Variants in NHS observed in about 807,000 individuals in gnomAD.
The protein encoded by NHS is NHS actin remodeling regulator, also known as actin remodeling regulator NHS.
NHS carries 5 observed loss-of-function variants against 72.5 expected under a neutral mutation model. The ratio of observed to expected loss-of-function variants is 0.07; its 90% CI spans 0.04 to 0.14. NHS has a LOEUF of 0.14. Among genes scored for constraint, NHS ranks in the 10% least tolerant of loss-of-function variants. NHS has a pLI of 1.00. For synonymous variants in NHS, 464 were observed against 547.7 expected, an observed-to-expected ratio of 0.85 and a Z score of 2.13; for missense variants, 1,072 against 1,355.7, an observed-to-expected ratio of 0.79 and a Z score of 3.29.
chrX:17,491,798 T>C (rs1485247659), intron 1 of NHS, among the ~76,000 whole-genome samples: 1 of 101,248 alleles, frequency 9.9e-6, no homozygotes, highest in Non-Finnish European at 2.0e-5. Context: ...AATTACTGCC[T>C]CAATTTCAGA....
At chrX:17,585,533 C>T (rs1432091238) in intron 1 of NHS, among the ~76,000 whole-genome samples, 2 of 110,250 alleles carry the variant, frequency 1.8e-5, no homozygotes, top group Non-Finnish European at 3.8e-5. Context: ...CCATTGGGAT[C>T]CAGTGTGGTT....
chrX:17,400,191 A>G (rs763878062), intron 1 of NHS, among the ~76,000 whole-genome samples: 43 of 112,188 alleles, frequency 3.8e-4, no homozygotes, highest in Non-Finnish European at 9.4e-5. Context: ...AATTATTAGA[A>G]CTAATAAATG....
intron 1 of NHS, among the ~76,000 whole-genome samples, chrX:17,560,271 T>C (rs1458096827): frequency 1.8e-5 from 2 of 112,136 alleles, no homozygotes; most frequent in African/African-American, 6.5e-5. Flanking sequence ...TACTTTCACG[T>C]TGATTCATGG....
At chrX:17,376,467 TC>T (rs762150610) in intron 1 of NHS, 145 bp downstream of exon 1, 2 of 543,867 alleles carry the variant, frequency 3.7e-6, no homozygotes, top group African/African-American at 2.3e-5. Context: ...ACCCTTCCCA[TC>T]CCCTGGGACC....
At chrX:17,588,474 G>C (rs2065586616) in intron 1 of NHS, among the ~76,000 whole-genome samples, 1 of 112,085 alleles carries the variant, frequency 8.9e-6, no homozygotes, top group African/African-American at 3.2e-5. Flanking sequence ...AAAAATAATG[G>C]GAGGTTTTGT....
chrX:17,440,320 A>G (rs938868222), intron 1 of NHS, among the ~76,000 whole-genome samples: 1 of 108,861 alleles, frequency 9.2e-6, no homozygotes, highest in African/African-American at 3.4e-5. Context: ...ACCAGTAACT[A>G]CTTTCACCAT....
At chrX:17,724,264 T>C (rs1225028601) in intron 5 of NHS, 35 bp from the exon 6 acceptor site, 1 of 1,210,721 alleles carries the variant, frequency 8.3e-7, no homozygotes, top group Non-Finnish European at 1.1e-6. Flanking sequence ...TGTTTGCCAT[T>C]TCTAAAGCTA....
intron 7 of NHS, 107 bp from the exon 8 acceptor site, chrX:17,728,542 G>C (rs2066466211): frequency 9.5e-7 from 1 of 1,057,844 alleles, no homozygotes; most frequent in Admixed American, 2.2e-5. Context: ...TGGCAGCAAG[G>C]TAATTTCTGT....
intron 2 of NHS, 53 bp from the exon 3 acceptor site, chrX:17,692,282 G>T: frequency 4.2e-6 from 5 of 1,194,313 alleles, no homozygotes; most frequent in Non-Finnish European, 5.7e-6. Context: ...GGGGAAAAGA[G>T]AAATTGAAAA....
At position 17,578,994 on chromosome X, in the gene NHS, G is replaced by T. The variant is rs761073447; in HGVS notation, c.566-108748G>T. Among the ~76,000 whole-genome samples the T allele has an allele frequency of 8.0e-5, 9 of 111,839 alleles. No individual in the cohort carries two copies. In the South Asian group the frequency reaches 3.0e-3, roughly 37 times the overall value. ...TGAGTGTGTACCAGTGTACAAAAAGGTGTGTTGTAGTGGAAAATCAAGTAA... is the reference window on the plus strand; with the variant it reads ...TGAGTGTGTACCAGTGTACAAAAAGTTGTGTTGTAGTGGAAAATCAAGTAA... On this transcript the variant is annotated intron_variant, in intron 1 of 8. Transcript: ENST00000676302.
rs780936344 is a variant in NHS at position 17,725,632 on chromosome X, G to A, written c.1526G>A (p.Arg509Gln). Reference protein sequence around the residue: ...SSRTRSRSLPREGNRGGDAEP... With the variant: ...SSRTRSRSLPQEGNRGGDAEP... Reference sequence around the variant, plus strand: ...CGCACAAGATCTCGGAGCCTTCCCCGGGAAGGTAATAGAGGTGGGGATGCT... The same window carrying A: ...CGCACAAGATCTCGGAGCCTTCCCCAGGAAGGTAATAGAGGTGGGGATGCT... Residue 509 changes from arginine (R) to glutamine (Q), a missense_variant, in exon 7 of 9, where the codon CGG becomes CAG. By Grantham distance (43) the Arg-to-Gln change is conservative. Coordinates refer to ENST00000676302, the MANE Select transcript of NHS (RefSeq NM_001291867.2). The A allele has an allele frequency of 1.6e-5, 19 of 1,209,314 alleles. No homozygotes were observed. The highest frequency in any genetic ancestry group is 8.9e-5 in the East Asian group (3 of 33,746).
chrX:17,657,654 G>A (rs1490393934), intron 1 of NHS, among the ~76,000 whole-genome samples: 3 of 112,683 alleles, frequency 2.7e-5, no homozygotes, highest in Non-Finnish European at 3.8e-5. Flanking sequence ...ATCCATTCCC[G>A]GGTGAGGCCC....
chrX:17,723,726 GGTGTGTGTGTGTGTGTGTGT>G (rs3222310), intron 5 of NHS, among the ~76,000 whole-genome samples: 2 of 71,074 alleles, frequency 2.8e-5, no homozygotes, highest in Non-Finnish European at 5.0e-5. Flanking sequence ...CAGCAAAAGA[GGTGTGTGTGTGTGTGTGTGT>G]GTGTGTGTGT....
At chrX:17,384,982 A>G (rs188388412) in intron 1 of NHS, among the ~76,000 whole-genome samples, 7 of 111,947 alleles carry the variant, frequency 6.3e-5, no homozygotes, top group African/African-American at 2.3e-4. Context: ...CATGAATCCT[A>G]TCTTAATAAT....
intron 1 of NHS, among the ~76,000 whole-genome samples, chrX:17,515,274 T>C (rs184988810): frequency 8.9e-5 from 10 of 112,216 alleles, no homozygotes; most frequent in Non-Finnish European, 1.5e-4. Context: ...AAATATCTTC[T>C]AAATCATCAA....
At chrX:17,478,293 C>T (rs1023738381) in intron 1 of NHS, among the ~76,000 whole-genome samples, 1 of 111,967 alleles carries the variant, frequency 8.9e-6, no homozygotes, top group Admixed American at 9.5e-5. Context: ...TCAAAGTTCA[C>T]ATCAAGTAGT....
rs187893246 is a variant in NHS, at chrX:17,538,388, A to G, written c.566-149354A>G. Among the ~76,000 whole-genome samples the G allele has an allele frequency of 1.1e-3, 126 of 111,518 alleles. 1 individual carries two copies. Among genetic ancestry groups the G allele is most frequent in the African/African-American group, 3.8e-3 (117 of 30,691 alleles). On this transcript the variant is annotated intron_variant, in intron 1 of 8. Transcript: ENST00000676302. ...TAGGGCCTGGAGAGGTAACACAGGG[A>G]CGAGAAGGAAGCTGACATAGGTGCA...
chrX:17,692,482 C>T lies in NHS; in HGVS notation c.852+14C>T. On this transcript the variant is annotated intron_variant, in intron 3 of 8. Coordinates refer to ENST00000676302, the MANE Select transcript of NHS (RefSeq NM_001291867.2). The stretch of plus-strand genomic sequence containing the variant: ...CACTTTTTAACGGTAAGTTTGGTGG[C>T]CACCTGCAGCCCTATGCTTGCTGCT... The T allele has an allele frequency of 8.3e-7, 1 of 1,209,764 alleles. No individual in the cohort carries two copies. The highest frequency in any genetic ancestry group is 1.1e-6 in the Non-Finnish European group (1 of 894,558).
At chrX:17,391,867 A>G (rs1018921978) in intron 1 of NHS, among the ~76,000 whole-genome samples, 3 of 111,639 alleles carry the variant, frequency 2.7e-5, no homozygotes, top group African/African-American at 9.8e-5. Context: ...TTTTCCTATA[A>G]TGACGATATC....
Sources: allele counts gnomAD v4.1 joint callset (sites outside exome capture counted in the v4.1 genomes callset), GRCh38; gene constraint gnomAD v4.1.1; transcripts MANE v1.5; gene names NCBI Gene and HGNC (gene_info 2026-07-23, HGNC 2026-07-21).